LIPC: variants seen among roughly 807,000 people sequenced by gnomAD.
The protein encoded by LIPC is hepatic triacylglycerol lipase.
A neutral mutation model predicts 50.7 loss-of-function variants in LIPC; 44 were observed. The ratio of observed to expected loss-of-function variants is 0.87; its 90% CI spans 0.68 to 1.11. The LOEUF is 1.11. LIPC is among the 50% of genes most tolerant of loss of function. LIPC has a pLI of 0.00. For missense variants in LIPC, 697 were observed against 648.2 expected (o/e 1.08, Z -0.82); for synonymous variants, 271 against 256.4 (o/e 1.06, Z -0.54).
At chr15:58,444,504 A>G (rs1893619496) in intron 1 of LIPC, among the ~76,000 whole-genome samples, 1 of 152,112 alleles carries the variant, frequency 6.6e-6, no homozygotes, top group African/African-American at 2.4e-5. Flanking sequence ...ACAGAAATGT[A>G]TTTTCTCACA....
intron 1 of LIPC, among the ~76,000 whole-genome samples, chr15:58,452,166 C>G (rs1256550501): frequency 1.3e-5 from 2 of 152,152 alleles, no homozygotes; most frequent in Non-Finnish European, 2.9e-5. Context: ...TTGTGGCCCC[C>G]AGGCCAACAG....
intron 1 of LIPC, chr15:58,436,665 G>A (rs1164722526): frequency 6.6e-6 from 3 of 454,524 alleles, no homozygotes; most frequent in African/African-American, 4.0e-5. Flanking sequence ...AGTCACATAT[G>A]TAAATGTTAT....
intron 1 of LIPC, among the ~76,000 whole-genome samples, chr15:58,499,356 G>GAC (rs1891892244): frequency 2.0e-5 from 3 of 152,174 alleles, no homozygotes; most frequent in African/African-American, 7.2e-5. Flanking sequence ...GGAACCACCA[G>GAC]ACTCCTGGGT....
At chr15:58,549,667 T>C (rs1032106108) in intron 6 of LIPC, among the ~76,000 whole-genome samples, 2 of 152,318 alleles carry the variant, frequency 1.3e-5, no homozygotes, top group South Asian at 4.1e-4. Flanking sequence ...TTTCTCTGTG[T>C]ATCGGAACTT....
intron 1 of LIPC, among the ~76,000 whole-genome samples, chr15:58,438,251 G>T (rs376582334): frequency 6.6e-6 from 1 of 152,216 alleles, no homozygotes; most frequent in African/African-American, 2.4e-5. Context: ...AAAGAGGCTG[G>T]GCCCCGAGAC....
chr15:58,494,126 T>C (rs1891686458), intron 1 of LIPC, among the ~76,000 whole-genome samples: 2 of 152,214 alleles, frequency 1.3e-5, no homozygotes, highest in African/African-American at 4.8e-5. Context: ...GGCCTCTCCC[T>C]AAAGCTGCTC....
At chr15:58,436,620 C>A (rs1197470723) in intron 1 of LIPC, 6 of 404,920 alleles carry the variant, frequency 1.5e-5, no homozygotes, top group African/African-American at 6.2e-5. Flanking sequence ...TAAAATGATC[C>A]GTTCTGTGTG....
intron 1 of LIPC, among the ~76,000 whole-genome samples, chr15:58,512,745 C>T (rs1267090139): frequency 6.6e-6 from 1 of 152,110 alleles, no homozygotes; most frequent in Admixed American, 6.5e-5. Context: ...GGTTGAGCAA[C>T]AGTGGCACTG....
chr15:58,534,544 G>A (rs573260775), intron 1 of LIPC, among the ~76,000 whole-genome samples: 4 of 152,284 alleles, frequency 2.6e-5, no homozygotes, highest in African/African-American at 9.6e-5. Flanking sequence ...TGCTGTGGCT[G>A]CTATTTCACT....
At chr15:58,486,814 C>G (rs1428566308) in intron 1 of LIPC, among the ~76,000 whole-genome samples, 1 of 152,206 alleles carries the variant, frequency 6.6e-6, no homozygotes, top group Non-Finnish European at 1.5e-5. Flanking sequence ...GGAATCCCTT[C>G]ACAGATAGGT....
At chr15:58,464,743 C>G (rs947772461) in intron 1 of LIPC, among the ~76,000 whole-genome samples, 3 of 152,142 alleles carry the variant, frequency 2.0e-5, no homozygotes, top group South Asian at 2.1e-4. Context: ...GAAGCCAAGG[C>G]GGGCAGATCA....
At chr15:58,458,962 G>A (rs970595756) in intron 1 of LIPC, among the ~76,000 whole-genome samples, 10 of 152,168 alleles carry the variant, frequency 6.6e-5, no homozygotes, top group African/African-American at 1.9e-4. Flanking sequence ...GTATGTCCAT[G>A]GCTTTATTAG....
chr15:58,537,901 A>G (rs1337576902), intron 1 of LIPC, among the ~76,000 whole-genome samples: 1 of 152,160 alleles, frequency 6.6e-6, no homozygotes, highest in East Asian at 1.9e-4. Context: ...CCCAGCTAAG[A>G]TGCTCTATTC....
At position 58,542,631 on chromosome 15, in the gene LIPC, A is replaced by G. The variant is rs375429385; in HGVS notation, c.554A>G (p.His185Arg). The change falls in exon 4 of 9, where the codon CAC becomes CGC. Residue 185 changes from histidine to arginine, a missense_variant. Physicochemically the swap from His to Arg is conservative, Grantham distance 29. Coordinates refer to ENST00000299022, the MANE Select transcript of LIPC (RefSeq NM_000236.3). ...GCCGGCAGTTCCATCGGTGGAACGC[A>G]CAAGATTGGGAGAATCACAGGTAAC... ...GFAGSSIGGT[H>R]KIGRITGLDA... is the part of the protein sequence containing the mutation. 14 of 1,612,160 alleles carry G rather than the reference A, an allele frequency of 8.7e-6. No individual in the cohort carries two copies. In the African/African-American group the frequency reaches 1.7e-4, roughly 20 times the overall value.
intron 1 of LIPC, among the ~76,000 whole-genome samples, chr15:58,498,421 C>T (rs1243471205): frequency 1.3e-5 from 2 of 152,004 alleles, no homozygotes; most frequent in Non-Finnish European, 2.9e-5. Context: ...CCATATTGCC[C>T]CCAAGAGGGT....
intron 1 of LIPC, among the ~76,000 whole-genome samples, chr15:58,495,131 AG>A (rs762463351): frequency 2.6e-5 from 4 of 152,232 alleles, no homozygotes; most frequent in Non-Finnish European, 5.9e-5. Context: ...GAGCTGGTCA[AG>A]CAAGAAGAGC....
At chr15:58,568,065 G>C (rs923447464) in intron 8 of LIPC, among the ~76,000 whole-genome samples, 2 of 152,102 alleles carry the variant, frequency 1.3e-5, no homozygotes, top group Admixed American at 6.6e-5. Flanking sequence ...TATATCTATA[G>C]ATATATATTT....
intron 1 of LIPC, among the ~76,000 whole-genome samples, chr15:58,485,162 T>C (rs1891325738): frequency 6.6e-6 from 1 of 152,006 alleles, no homozygotes. Context: ...GGCTGACATG[T>C]AGAATGCATT....
intron 1 of LIPC, among the ~76,000 whole-genome samples, chr15:58,439,110 G>A (rs556814244): frequency 6.0e-4 from 91 of 152,310 alleles, no homozygotes; most frequent in African/African-American, 1.9e-3. Flanking sequence ...AAGATGTGTA[G>A]GTGGCGACGC....
Sources: allele counts gnomAD v4.1 joint callset (sites outside exome capture counted in the v4.1 genomes callset), GRCh38; gene constraint gnomAD v4.1.1; transcripts MANE v1.5; gene names NCBI Gene and HGNC (gene_info 2026-07-23, HGNC 2026-07-21).